SFPQ: variants seen among roughly 807,000 people sequenced by gnomAD.
SFPQ encodes splicing factor, proline- and glutamine-rich.
Under a neutral mutation model 72.9 loss-of-function variants are expected in SFPQ, and 11 were observed. The observed-to-expected ratio is 0.15, with a 90% CI of 0.09 to 0.25. The LOEUF is 0.25. SFPQ is among the 10% of genes least tolerant of loss of function. The pLI, the probability that SFPQ is intolerant of heterozygous loss-of-function variation, is 1.00. For synonymous variants in SFPQ, 506 were observed against 367.3 expected (o/e 1.38, Z -4.32); for missense variants, 847 against 993.3 (o/e 0.85, Z 1.98).
downstream of SFPQ, chr1:35,178,362 T>G (rs140769934): frequency 9.4e-7 from 1 of 1,063,736 alleles, no homozygotes; most frequent in Admixed American, 5.4e-5. Context: ...TGTGACAACG[T>G]TGACCTCACC....
chr1:35,190,628 CCA>C (rs765206490), intron 3 of SFPQ, 35 bp from the exon 4 acceptor site: 1 of 1,607,524 alleles, frequency 6.2e-7, no homozygotes, highest in South Asian at 1.1e-5. Flanking sequence ...TAGCTTTGTT[CCA>C]GTTTTATTGC....
chr1:35,179,119 C>A (rs750309024), downstream of SFPQ: 21 of 1,058,332 alleles, frequency 2.0e-5, no homozygotes, highest in Non-Finnish European at 2.4e-5. Context: ...TCAGCTAAAG[C>A]CAAAACCAAA....
In SFPQ at chr1:35,192,353, G is replaced by C; in HGVS notation, c.697C>G (p.Pro233Ala). The change falls in exon 1 of 10, where the codon CCG becomes GCG. Residue 233 changes from proline to alanine, a missense_variant. By Grantham distance (27) the Pro-to-Ala change is conservative. Around this residue, in one of 6 missense-constraint regions of SFPQ, gnomAD observed 498 missense variants for 405.1 expected, o/e 1.23. Coordinates refer to ENST00000357214, the MANE Select transcript of SFPQ (RefSeq NM_005066.3). The stretch of plus-strand genomic sequence containing the variant: ...GGCTCCCCGCCGCCTCGATGCGGCG[G>C]CTTGGGGTGGCCGCCAGGCGTACTT... Reference protein sequence around the residue: ...GLSTPGGHPKPPHRGGGEPRG... With the variant: ...GLSTPGGHPKAPHRGGGEPRG... The C allele has an allele frequency of 7.2e-7, 1 of 1,390,614 alleles. No individual in the cohort carries two copies. Among genetic ancestry groups the C allele is most frequent in the Non-Finnish European group, 9.2e-7 (1 of 1,085,484 alleles). 86.1% of individuals were successfully genotyped at this position (1,390,614 alleles called of 1,614,324 possible).
chr1:35,181,404 C>T, downstream of SFPQ: 2 of 1,064,052 alleles, frequency 1.9e-6, no homozygotes, highest in Middle Eastern at 4.2e-4. Context: ...TTAAAAATTG[C>T]ACAGGCGTAA....
At chr1:35,185,808 TAAA>T (rs991248529) in intron 9 of SFPQ, among the ~76,000 whole-genome samples, 6 of 151,878 alleles carry the variant, frequency 4.0e-5, no homozygotes, top group Non-Finnish European at 8.8e-5. Flanking sequence ...TCTAAGAACT[TAAA>T]AAAAAGAAAA....
chr1:35,180,090 A>G, downstream of SFPQ: 1 of 1,051,602 alleles, frequency 9.5e-7, no homozygotes, highest in Non-Finnish European at 1.1e-6. Context: ...ATTGCTTGCC[A>G]ACGAGCAAGC....
downstream of SFPQ, chr1:35,178,072 A>G (rs1420106185): frequency 7.9e-7 from 1 of 1,265,460 alleles, no homozygotes; most frequent in South Asian, 1.5e-5. Flanking sequence ...TATAAAAGAC[A>G]AGGGTATAAA....
At chr1:35,178,394 C>CT, downstream of SFPQ, 2 of 1,064,892 alleles carry the variant, frequency 1.9e-6, no homozygotes, top group Non-Finnish European at 2.3e-6. Flanking sequence ...AACATCAGCT[C>CT]TTTTTTCATA....
At chr1:35,184,723 G>A (rs1639629517) in intron 9 of SFPQ, 130 bp from the exon 10 acceptor site, 3 of 1,286,746 alleles carry the variant, frequency 2.3e-6, no homozygotes, top group Non-Finnish European at 3.0e-6. Context: ...CAGGTACCGG[G>A]AACATAGAAA....
At chr1:35,182,789 G>A (rs1639523894), downstream of SFPQ, 2 of 1,052,634 alleles carry the variant, frequency 1.9e-6, no homozygotes, top group Non-Finnish European at 2.3e-6. Context: ...CTGTTAGGAA[G>A]CTGTTCCTCT....
downstream of SFPQ, chr1:35,179,809 G>C: frequency 6.6e-6 from 7 of 1,054,116 alleles, no homozygotes; most frequent in Non-Finnish European, 8.0e-6. Flanking sequence ...ATAGACCTGA[G>C]TTTTTATTTC....
chr1:35,192,957 G>C lies in SFPQ; in HGVS notation c.93C>G (p.Phe31Leu). The change falls in exon 1 of 10, where the codon TTC (phenylalanine) becomes TTG (leucine). Residue 31 changes from phenylalanine (F) to leucine (L), a missense_variant. Physicochemically the swap from Phe to Leu is conservative, Grantham distance 22 (BLOSUM62 0). Coordinates refer to ENST00000357214, the MANE Select transcript of SFPQ (RefSeq NM_005066.3). ...GGGGRGGLHDFRSPPPGMGLN... is the reference protein window; with the variant it reads ...GGGGRGGLHDLRSPPPGMGLN... Reference sequence around the variant, plus strand: ...GGCCCATGCCGGGCGGCGGAGAACGGAAGTCGTGGAGGCCGCCGCGGCCGC... The same window carrying C: ...GGCCCATGCCGGGCGGCGGAGAACGCAAGTCGTGGAGGCCGCCGCGGCCGC... 1 of 1,584,340 alleles carries C rather than the reference G, an allele frequency of 6.3e-7. No homozygotes were observed. The highest frequency in any genetic ancestry group is 1.3e-5 in the African/African-American group (1 of 74,388).
chr1:35,182,570 C>T (rs961534396), downstream of SFPQ: 15 of 985,242 alleles, frequency 1.5e-5, no homozygotes, highest in Non-Finnish European at 1.8e-5. Context: ...TCAGATTGTT[C>T]CAACAATAGG....
In SFPQ at chr1:35,192,835, G is replaced by GGCTGTTGCT; in HGVS notation, c.206_214dup (p.Gln69_Gln71dup). On this transcript the variant is annotated inframe_insertion, in exon 1 of 10. Transcript: ENST00000357214. ...CTGCGGCGGTGGCTGCTGCGGTGGTGGCTGTTGCTGCTGTTGGTGTGGAGG... is the reference window on the plus strand; with the variant it reads ...CTGCGGCGGTGGCTGCTGCGGTGGTGGCTGTTGCTGCTGTTGCTGCTGTTGGTGTGGAGG... The GGCTGTTGCT allele has an allele frequency of 2.0e-6, 3 of 1,522,486 alleles. No homozygotes were observed. The highest frequency in any genetic ancestry group is 2.6e-6 in the Non-Finnish European group (3 of 1,142,472). The allele number at this position is 1,522,486 out of a possible 1,614,324, so 94.3% of individuals were successfully genotyped here. A position where few individuals can be genotyped will look rare whatever the true frequency, so the allele number is the denominator to read the frequency against.
downstream of SFPQ, chr1:35,177,957 T>C: frequency 9.1e-7 from 1 of 1,097,754 alleles, no homozygotes; most frequent in Non-Finnish European, 1.2e-6. Context: ...CTCAAAAGCC[T>C]GTAGGGGTTA....
At position 35,183,496 on chromosome 1, in the gene SFPQ, C is replaced by G; in HGVS notation, c.*960G>C. On this transcript the variant is annotated 3_prime_UTR_variant, in exon 10 of 10. Transcript: ENST00000357214. ...CCTCCCAAAGTGCTGGGATTACAGG[C>G]GTGAGCCACCGCGCCCGGCCCAGTT... 5.2e-6 allele frequency: 5 copies of G among 968,648 alleles called. No homozygotes were observed. Among genetic ancestry groups the G allele is most frequent in the Non-Finnish European group, 6.2e-6 (5 of 806,364 alleles). The allele number at this position is 968,648 out of a possible 1,614,324, so 60.0% of individuals were successfully genotyped here.
chr1:35,181,402 T>C (rs947703381), downstream of SFPQ: 11 of 1,064,242 alleles, frequency 1.0e-5, no homozygotes, highest in African/African-American at 1.8e-4. Context: ...ACTTAAAAAT[T>C]GCACAGGCGT....
chr1:35,181,053 T>C, downstream of SFPQ: 1 of 1,065,022 alleles, frequency 9.4e-7, no homozygotes, highest in East Asian at 5.0e-5. Context: ...GTAATTTCAT[T>C]GTCAGAAATG....
At chr1:35,181,732 C>T (rs1639476355), downstream of SFPQ, 1 of 1,060,782 alleles carries the variant, frequency 9.4e-7, no homozygotes, top group Admixed American at 5.4e-5. Context: ...TAAAATACTT[C>T]AAAAATTGCT....
Sources: gnomAD v4.1 joint callset for allele counts (sites outside exome capture counted in the v4.1 genomes callset) on GRCh38, gnomAD v4.1.1 for gene constraint, gnomAD v4.1.1 regional missense constraint, MANE v1.5 for transcripts, NCBI Gene and HGNC (gene_info 2026-07-23, HGNC 2026-07-21) for gene names.